DNAH14: variants seen among roughly 807,000 people sequenced by gnomAD.
DNAH14 encodes axonemal beta dynein heavy chain 14.
In DNAH14, 478 loss-of-function variants were observed where a neutral mutation model predicts 520.9. That is an observed-to-expected ratio of 0.92 (90% CI 0.85 to 0.99). DNAH14 has a LOEUF of 0.99. Ranked by LOEUF, DNAH14 falls within the 50% of genes least tolerant of loss-of-function variation. The pLI is 0.00. For synonymous variants in DNAH14, 1,581 were observed against 1,757.2 expected, an observed-to-expected ratio of 0.90 and a Z score of 2.51; for missense variants, 4,831 against 5,234.5, an observed-to-expected ratio of 0.92 and a Z score of 2.38.
chr1:225,346,133 T>C lies in DNAH14; in HGVS notation c.10850T>C (p.Val3617Ala), dbSNP rs373712140. Residue 3617 changes from valine (V) to alanine (A), a missense_variant, in exon 70 of 86, where the codon GTA (valine) becomes GCA (alanine). Physicochemically the swap from Val to Ala is moderately conservative, Grantham distance 64 (BLOSUM62 0). Transcript: ENST00000682510. ...CGAGGCGCCCTGCTCTACTTCCTAG[T>C]AGCTGATCTCACACAAATCAACTAC... ...ATRGALLYFL[V>A]ADLTQINYMY... is the part of the protein sequence containing the mutation. 2.1e-5 allele frequency: 33 copies of C among 1,551,714 alleles called. No individual in the cohort carries two copies. Among genetic ancestry groups the C allele is most frequent in the Non-Finnish European group, 2.8e-5 (32 of 1,146,974 alleles).
At chr1:225,360,543 C>A in intron 74 of DNAH14, 138 bp from the exon 75 acceptor site, 2 of 805,168 alleles carry the variant, frequency 2.5e-6, no homozygotes, top group Non-Finnish European at 3.9e-6. Context: ...AAACTCTGGG[C>A]TCTAATTTCA....
intron 52 of DNAH14, among the ~76,000 whole-genome samples, chr1:225,273,951 C>G (rs2149851430): frequency 6.6e-6 from 1 of 152,154 alleles, no homozygotes; most frequent in South Asian, 2.1e-4. Flanking sequence ...GTGGTGCCAA[C>G]TTCATTCTTC....
chr1:225,177,098 G>A (rs2083416559), intron 36 of DNAH14, among the ~76,000 whole-genome samples: 2 of 152,142 alleles, frequency 1.3e-5, no homozygotes, highest in Non-Finnish European at 2.9e-5. Flanking sequence ...GAAAAATAAG[G>A]TCCAGGCTGA....
In DNAH14 at chr1:225,159,261, C is replaced by G. The variant is rs530041936; in HGVS notation, c.5274-53C>G. On this transcript the variant is annotated intron_variant, in intron 34 of 85. Coordinates refer to ENST00000682510, the MANE Select transcript of DNAH14 (RefSeq NM_001367479.1). ...GAATGTTAATGGTCTTCAGTGTCTG[C>G]AGAGCAGACTCCCTAATTTGTTCTC... 224 of 1,434,836 alleles carry G rather than the reference C, an allele frequency of 1.6e-4. 1 individual carries two copies. In the African/African-American group the frequency reaches 2.6e-3, roughly 17 times the overall value. 88.9% of individuals were successfully genotyped at this position (1,434,836 alleles called of 1,614,324 possible). A position where few individuals can be genotyped will look rare whatever the true frequency, so the allele number is the denominator to read the frequency against.
intron 75 of DNAH14, among the ~76,000 whole-genome samples, chr1:225,361,881 T>TC (rs59433072): frequency 6.6e-6 from 1 of 151,998 alleles, no homozygotes; most frequent in South Asian, 2.1e-4. Flanking sequence ...AATCAATCAA[T>TC]ACTATTATAT....
At chr1:225,263,275 A>G (rs2093003198) in intron 46 of DNAH14, among the ~76,000 whole-genome samples, 1 of 151,350 alleles carries the variant, frequency 6.6e-6, no homozygotes, top group Non-Finnish European at 1.5e-5. Flanking sequence ...TAATACTTGG[A>G]TATCTTATAA....
chr1:225,228,012 A>G (rs1295594607), intron 41 of DNAH14, among the ~76,000 whole-genome samples: 1 of 152,138 alleles, frequency 6.6e-6, no homozygotes, highest in African/African-American at 2.4e-5. Context: ...TCATGGTATT[A>G]AGGAGAAAAT....
intron 7 of DNAH14, among the ~76,000 whole-genome samples, chr1:224,972,044 T>G (rs1476638410): frequency 6.6e-6 from 1 of 152,188 alleles, no homozygotes; most frequent in Non-Finnish European, 1.5e-5. Context: ...GTCCTTGCCT[T>G]CTGATAAATC....
At chr1:225,329,342 G>A (rs2094745689) in intron 64 of DNAH14, among the ~76,000 whole-genome samples, 1 of 152,014 alleles carries the variant, frequency 6.6e-6, no homozygotes, top group African/African-American at 2.4e-5. Context: ...GGGGAGATAA[G>A]GAATAAACCA....
At chr1:225,299,347 T>A (rs888622058) in intron 55 of DNAH14, among the ~76,000 whole-genome samples, 1 of 152,248 alleles carries the variant, frequency 6.6e-6, no homozygotes, top group African/African-American at 2.4e-5. Flanking sequence ...TATTGAGTAT[T>A]GTTTCAACCC....
intron 78 of DNAH14, among the ~76,000 whole-genome samples, chr1:225,375,450 A>G (rs2150703030): frequency 1.3e-5 from 2 of 152,302 alleles, no homozygotes; most frequent in South Asian, 4.1e-4. Context: ...ATGGGTGGGA[A>G]TTTGGATAAG....
At chr1:225,291,120 A>G (rs895735533) in intron 55 of DNAH14, among the ~76,000 whole-genome samples, 1 of 151,932 alleles carries the variant, frequency 6.6e-6, no homozygotes, top group African/African-American at 2.4e-5. Flanking sequence ...TATGAGTGAG[A>G]GGATGTGGTG....
intron 26 of DNAH14, among the ~76,000 whole-genome samples, chr1:225,122,184 C>T (rs1452512824): frequency 1.3e-5 from 2 of 152,122 alleles, no homozygotes; most frequent in Non-Finnish European, 2.9e-5. Context: ...TAGTTTGGGG[C>T]TATGGACTTG....
chr1:224,977,285 A>G (rs2125671651), intron 8 of DNAH14, among the ~76,000 whole-genome samples: 1 of 144,046 alleles, frequency 6.9e-6, no homozygotes, highest in East Asian at 2.2e-4. Flanking sequence ...GGAATTGAAC[A>G]ATGAGAACAC....
intron 38 of DNAH14, among the ~76,000 whole-genome samples, chr1:225,203,432 C>A (rs1254534017): frequency 6.6e-6 from 1 of 152,092 alleles, no homozygotes. Context: ...GCACCTTTGT[C>A]TCTCTCTTTT....
intron 38 of DNAH14, among the ~76,000 whole-genome samples, chr1:225,196,879 A>G (rs2086208573): frequency 6.6e-6 from 1 of 151,370 alleles, no homozygotes; most frequent in African/African-American, 2.4e-5. Flanking sequence ...TTTCTTGCTA[A>G]TTTGATGGTA....
chr1:225,379,144 T>C (rs2095746707), intron 79 of DNAH14, among the ~76,000 whole-genome samples: 1 of 152,190 alleles, frequency 6.6e-6, no homozygotes, highest in South Asian at 2.1e-4. Flanking sequence ...GAGTGTGTGA[T>C]TAAGAAGCCC....
rs181960821 is a variant in DNAH14 at position 225,131,525 on chromosome 1, T to C, written c.4254+7911T>C. ...CAGAAAAAGCTACCCAGTTTTATGA[T>C]TACATGTGTTTTCTGGATACATTTG... On this transcript the variant is annotated intron_variant, in intron 27 of 85. Transcript: ENST00000682510. Among the ~76,000 whole-genome samples, 4 of 152,294 alleles carry C rather than the reference T, an allele frequency of 2.6e-5. No individual in the cohort carries two copies. The East Asian group carries it at 5.8e-4, about 22-fold the overall frequency.
intron 23 of DNAH14, among the ~76,000 whole-genome samples, chr1:225,103,855 C>T (rs529894746): frequency 2.6e-5 from 4 of 152,230 alleles, no homozygotes; most frequent in Non-Finnish European, 5.9e-5. Flanking sequence ...ATTTGACTTC[C>T]TCTTTTCCTA....
Sources: allele counts gnomAD v4.1 joint callset (sites outside exome capture counted in the v4.1 genomes callset), GRCh38; gene constraint gnomAD v4.1.1; transcripts MANE v1.5; gene names NCBI Gene and HGNC (gene_info 2026-07-23, HGNC 2026-07-21).